Variants in FARS2 observed in about 807,000 individuals in gnomAD.
The protein encoded by FARS2 is phenylalanyl-tRNA synthetase 2, mitochondrial, also known as phenylalanine--tRNA ligase, mitochondrial.
FARS2 carries 40 observed loss-of-function variants against 46.4 expected under a neutral mutation model. That is an observed-to-expected ratio of 0.86 (90% CI 0.67 to 1.12). FARS2 has a LOEUF of 1.12. FARS2 is among the 50% of genes most tolerant of loss of function. The pLI is 0.00. For missense variants in FARS2, 513 were observed against 567.9 expected, an observed-to-expected ratio of 0.90 and a Z score of 0.98; for synonymous variants, 234 against 214.9, an observed-to-expected ratio of 1.09 and a Z score of -0.78.
At chr6:5,745,480 A>C (rs1276308768) in intron 6 of FARS2, among the ~76,000 whole-genome samples, 1 of 152,220 alleles carries the variant, frequency 6.6e-6, no homozygotes, top group Admixed American at 6.5e-5. Flanking sequence ...AAGACAGTGT[A>C]ATCAGAAGGT....
intron 6 of FARS2, among the ~76,000 whole-genome samples, chr6:5,677,712 C>G (rs1236259238): frequency 6.6e-6 from 1 of 152,208 alleles, no homozygotes; most frequent in African/African-American, 2.4e-5. Flanking sequence ...TTGTTCTTCC[C>G]TGTGAGCTTA....
At chr6:5,746,258 A>G (rs1205096318) in intron 6 of FARS2, among the ~76,000 whole-genome samples, 1 of 152,142 alleles carries the variant, frequency 6.6e-6, no homozygotes, top group East Asian at 1.9e-4. Flanking sequence ...AAAGACAGTG[A>G]CACGATGGCC....
intron 6 of FARS2, among the ~76,000 whole-genome samples, chr6:5,646,589 T>C (rs1273017231): frequency 2.0e-5 from 3 of 152,162 alleles, no homozygotes; most frequent in Non-Finnish European, 2.9e-5. Flanking sequence ...TGGACTTTGG[T>C]ATCCATAGGG....
chr6:5,431,027 T>C lies in FARS2; in HGVS notation c.773-14T>C, dbSNP rs771446019. On this transcript the variant is annotated splice_polypyrimidine_tract_variant and intron_variant, in intron 3 of 6. Transcript: ENST00000274680. ...ATTTAACACTACTTATTTGTTTCTT[T>C]GGCAACTTTGCAGAGCTGGAGATAA... 1.9e-6 allele frequency: 3 copies of C among 1,612,286 alleles called. 1 individual carries two copies. The South Asian group carries it at 3.3e-5, about 18-fold the overall frequency.
chr6:5,467,423 A>T (rs1290977923), intron 4 of FARS2, among the ~76,000 whole-genome samples: 1 of 152,218 alleles, frequency 6.6e-6, no homozygotes, highest in Non-Finnish European at 1.5e-5. Context: ...CTACAAGCTT[A>T]TGAGCTAACA....
chr6:5,578,945 A>T (rs1227565210), intron 5 of FARS2, among the ~76,000 whole-genome samples: 1 of 152,172 alleles, frequency 6.6e-6, no homozygotes, highest in African/African-American at 2.4e-5. Context: ...TCTCATTTGT[A>T]AAATGGGAAT....
intron 6 of FARS2, among the ~76,000 whole-genome samples, chr6:5,700,045 T>C (rs977373591): frequency 1.3e-5 from 2 of 152,176 alleles, no homozygotes; most frequent in African/African-American, 4.8e-5. Context: ...TTTTATATAA[T>C]GTGTTTTAGA....
chr6:5,481,749 G>GA (rs753401019), intron 4 of FARS2, among the ~76,000 whole-genome samples: 2 of 152,092 alleles, frequency 1.3e-5, no homozygotes, highest in Non-Finnish European at 2.9e-5. Flanking sequence ...GGAATTTGGG[G>GA]TGTCAGCATG....
intron 4 of FARS2, among the ~76,000 whole-genome samples, chr6:5,539,957 G>A (rs534630263): frequency 1.3e-5 from 2 of 152,228 alleles, no homozygotes; most frequent in South Asian, 2.1e-4. Context: ...CATCAGTCTG[G>A]AAAAGCAAGT....
At chr6:5,593,075 A>T (rs1351985149) in intron 5 of FARS2, among the ~76,000 whole-genome samples, 3 of 152,024 alleles carry the variant, frequency 2.0e-5, no homozygotes, top group African/African-American at 7.2e-5. Context: ...TTGTCACAGT[A>T]CTAGAAAGGG....
intron 4 of FARS2, among the ~76,000 whole-genome samples, chr6:5,542,820 G>C (rs1047585909): frequency 1.3e-5 from 2 of 152,034 alleles, no homozygotes; most frequent in Non-Finnish European, 2.9e-5. Context: ...GATTTCCCTT[G>C]TGATGACTTC....
chr6:5,323,924 A>T (rs1026368611), intron 1 of FARS2, among the ~76,000 whole-genome samples: 1 of 152,190 alleles, frequency 6.6e-6, no homozygotes, highest in African/African-American at 2.4e-5. Context: ...AGAGACAATT[A>T]TAGCCCCAAG....
rs375361147 is a variant in FARS2 at position 5,763,788 on chromosome 6, A to G, written c.1218-7503A>G. On this transcript the variant is annotated intron_variant, in intron 6 of 6. Coordinates refer to ENST00000274680, the MANE Select transcript of FARS2 (RefSeq NM_006567.5). The stretch of plus-strand genomic sequence containing the variant: ...TTTTGGTTTTTTTTTTTTTTTTTTA[A>G]CATAGAGAAGGTAAAGGGGGAAAAT... 2.4e-3 allele frequency among the ~76,000 whole-genome samples: 354 copies of G among 146,720 alleles called. 1 individual carries two copies. Among genetic ancestry groups the G allele is most frequent in the African/African-American group, 8.2e-3 (323 of 39,454 alleles).
At chr6:5,496,860 T>A (rs762411095) in intron 4 of FARS2, among the ~76,000 whole-genome samples, 10 of 152,174 alleles carry the variant, frequency 6.6e-5, no homozygotes, top group Non-Finnish European at 1.3e-4. Context: ...TTAATTTTAT[T>A]TTTTTAGAGG....
intron 6 of FARS2, among the ~76,000 whole-genome samples, chr6:5,759,051 G>A (rs1762357312): frequency 6.6e-6 from 1 of 152,194 alleles, no homozygotes; most frequent in African/African-American, 2.4e-5. Context: ...GGGACATGCA[G>A]AACTGTTTTC....
intron 5 of FARS2, among the ~76,000 whole-genome samples, chr6:5,597,830 C>CCATTACATAATTTCT (rs1774286171): frequency 6.6e-6 from 1 of 152,176 alleles, no homozygotes; most frequent in Non-Finnish European, 1.5e-5. Flanking sequence ...ATATTTCCTT[C>CCATTACATAATTTCT]CATTACATAA....
At chr6:5,322,053 T>C (rs901577508) in intron 1 of FARS2, among the ~76,000 whole-genome samples, 9 of 152,240 alleles carry the variant, frequency 5.9e-5, no homozygotes, top group Non-Finnish European at 1.0e-4. Flanking sequence ...TACTGGTACC[T>C]GTTATATTTT....
chr6:5,573,729 A>G (rs1421380511), intron 5 of FARS2, among the ~76,000 whole-genome samples: 1 of 152,182 alleles, frequency 6.6e-6, no homozygotes, highest in Non-Finnish European at 1.5e-5. Context: ...GGGCTTAATT[A>G]GAACACTTTC....
At chr6:5,646,891 G>A (rs1388785475) in intron 6 of FARS2, among the ~76,000 whole-genome samples, 2 of 151,992 alleles carry the variant, frequency 1.3e-5, no homozygotes, top group South Asian at 2.1e-4. Context: ...CATGGATATG[G>A]AACCCATGGA....
Sources: gnomAD v4.1 joint callset for allele counts (sites outside exome capture counted in the v4.1 genomes callset) on GRCh38, gnomAD v4.1.1 for gene constraint, MANE v1.5 for transcripts, NCBI Gene and HGNC (gene_info 2026-07-23, HGNC 2026-07-21) for gene names.